BCAR3: variants seen among roughly 807,000 people sequenced by gnomAD.
BCAR3 encodes the protein BCAR3 adaptor protein, NSP family member.
A neutral mutation model predicts 80.1 loss-of-function variants in BCAR3; 37 were observed. The ratio of observed to expected loss-of-function variants is 0.46; its 90% confidence interval spans 0.36 to 0.61. The LOEUF is 0.61. Ranked by LOEUF, BCAR3 falls within the 20% of genes least tolerant of loss-of-function variation. The pLI, the probability that BCAR3 is intolerant of heterozygous loss-of-function variation, is 0.00. For missense variants in BCAR3, 978 were observed against 1,068.2 expected, an observed-to-expected ratio of 0.92 and a Z score of 1.18; for synonymous variants, 389 against 418.9, an observed-to-expected ratio of 0.93 and a Z score of 0.87.
chr1:93,717,727 A>G (rs541016938), intron 2 of BCAR3, among the ~76,000 whole-genome samples: 5 of 151,972 alleles, frequency 3.3e-5, no homozygotes, highest in African/African-American at 1.2e-4. Flanking sequence ...CTCAAAAAAA[A>G]AAAAAAAAAA....
chr1:93,831,730 C>A (rs1654573644), intron 2 of BCAR3, among the ~76,000 whole-genome samples: 1 of 152,052 alleles, frequency 6.6e-6, no homozygotes, highest in African/African-American at 2.4e-5. Context: ...TGAGCCAGGT[C>A]CCAATTCTTC....
At chr1:93,635,520 T>A (rs1323071026) in intron 3 of BCAR3, among the ~76,000 whole-genome samples, 1 of 152,200 alleles carries the variant, frequency 6.6e-6, no homozygotes, top group East Asian at 1.9e-4. Context: ...TCAGCATTTT[T>A]AATAACTGTA....
At chr1:93,845,502 A>ATATATATATCTATATCTTGTCAAG in intron 2 of BCAR3, 1 of 113,826 alleles carries the variant, frequency 8.8e-6, no homozygotes, top group Non-Finnish European at 1.8e-5. Context: ...ATATATATAT[A>ATATATATATCTATATCTTGTCAAG]AAACTTTGTT....
At chr1:93,741,118 A>C (rs1651159761) in intron 2 of BCAR3, among the ~76,000 whole-genome samples, 1 of 152,190 alleles carries the variant, frequency 6.6e-6, no homozygotes, top group Non-Finnish European at 1.5e-5. Context: ...TGGAGCCAGA[A>C]ATGTAATTTA....
chr1:93,713,051 CT>C (rs1230093169), intron 2 of BCAR3, among the ~76,000 whole-genome samples: 2 of 152,216 alleles, frequency 1.3e-5, no homozygotes. Flanking sequence ...TGAGAATGTT[CT>C]CTGCACTGTC....
At chr1:93,657,936 G>A (rs1028125139) in intron 2 of BCAR3, among the ~76,000 whole-genome samples, 2 of 151,040 alleles carry the variant, frequency 1.3e-5, no homozygotes, top group African/African-American at 4.9e-5. Context: ...ACAGCATGTC[G>A]CTTGTTACTG....
intron 2 of BCAR3, among the ~76,000 whole-genome samples, chr1:93,733,080 C>T (rs888156496): frequency 3.3e-5 from 5 of 152,170 alleles, no homozygotes; most frequent in Admixed American, 2.6e-4. Context: ...TCTACCAGAG[C>T]AGAATTTGGG....
chr1:93,562,474 A>G, intron 11 of BCAR3, 55 bp from the exon 12 acceptor site: 6 of 1,556,604 alleles, frequency 3.9e-6, no homozygotes, highest in Non-Finnish European at 4.4e-6. Context: ...GATGTGTTAA[A>G]AATAGACTGA....
chr1:93,802,913 C>T (rs1653534628), intron 2 of BCAR3, among the ~76,000 whole-genome samples: 2 of 152,182 alleles, frequency 1.3e-5, no homozygotes, highest in African/African-American at 2.4e-5. Flanking sequence ...CTCCCTCCTT[C>T]TCCTTTGTCT....
At chr1:93,788,574 A>G (rs1442759738) in intron 2 of BCAR3, among the ~76,000 whole-genome samples, 1 of 152,140 alleles carries the variant, frequency 6.6e-6, no homozygotes, top group East Asian at 1.9e-4. Flanking sequence ...TATGAAGCTT[A>G]GTTTTGCTGG....
chr1:93,767,922 G>C lies in BCAR3; in HGVS notation c.-62-61780C>G, dbSNP rs114994603. Among the ~76,000 whole-genome samples, 747 of 152,308 alleles carry C rather than the reference G, an allele frequency of 4.9e-3. 3 individuals are homozygous for C. The highest frequency in any genetic ancestry group is 0.017 in the African/African-American group (718 of 41,574). Reference sequence around the variant, plus strand: ...CAATTAGGCAGATCTTCTGAAACTAGATAGGGGTTACAAAAGCACATATTT... The same window carrying C: ...CAATTAGGCAGATCTTCTGAAACTACATAGGGGTTACAAAAGCACATATTT... On this transcript the variant is annotated intron_variant, in intron 2 of 13. Coordinates refer to the BCAR3 transcript ENST00000370244.
In BCAR3 at chr1:93,807,109, G is replaced by GA. The variant is rs201937621; in HGVS notation, c.-63+38457dup. On this transcript the variant is annotated intron_variant, in intron 2 of 13. Transcript: ENST00000370244. ...GACAAAGTGAGACCCTATCTCAAAA[G>GA]AAAAAAAAAATAGTAGAATTTTCTA... Among the ~76,000 whole-genome samples the GA allele has an allele frequency of 5.4e-3, 786 of 146,702 alleles. 34 individuals carry two copies. The East Asian group carries it at 0.11, about 20-fold the overall frequency.
chr1:93,662,819 T>G (rs1227610726), intron 2 of BCAR3, among the ~76,000 whole-genome samples: 1 of 152,234 alleles, frequency 6.6e-6, no homozygotes, highest in Admixed American at 6.5e-5. Context: ...AATCGTTGTC[T>G]TGATAATCCA....
At position 93,567,391 on chromosome 1, in the gene BCAR3, CAT is replaced by C. The variant is rs779739125; in HGVS notation, c.2185_2186del (p.Met729ValfsTer9). ...RQAVTFEGTD[M>X]WEKNDQSCEI... ...CACAGCTCTGGTCGTTTTTTTCCCACATGTCGGTTCCTTCAAAAGTCACAGCC... is the reference window on the plus strand; with the variant it reads ...CACAGCTCTGGTCGTTTTTTTCCCACGTCGGTTCCTTCAAAAGTCACAGCC... On this transcript the variant is annotated frameshift_variant, in exon 11 of 12. Transcript: ENST00000260502. LOFTEE classifies it high-confidence loss of function. The C allele has an allele frequency of 1.5e-5, 24 of 1,614,086 alleles. No homozygotes were observed. Among genetic ancestry groups the C allele is most frequent in the Admixed American group, 8.3e-5 (5 of 60,008 alleles).
At chr1:93,563,780 CCT>C (rs1338623635) in intron 11 of BCAR3, among the ~76,000 whole-genome samples, 2 of 152,162 alleles carry the variant, frequency 1.3e-5, no homozygotes, top group African/African-American at 4.8e-5. Flanking sequence ...ACAACCTCTA[CCT>C]CTCGGGTTCA....
intron 2 of BCAR3, among the ~76,000 whole-genome samples, chr1:93,797,390 TC>T (rs1653316079): frequency 6.6e-6 from 1 of 152,324 alleles, no homozygotes; most frequent in Admixed American, 6.5e-5. Context: ...ATGTCCCAAG[TC>T]CTGCCTCTAT....
chr1:93,651,855 T>C (rs1676335412), intron 2 of BCAR3, among the ~76,000 whole-genome samples: 1 of 152,170 alleles, frequency 6.6e-6, no homozygotes, highest in Admixed American at 6.5e-5. Flanking sequence ...ACATTTAGGA[T>C]GCCTCCCAAG....
intron 2 of BCAR3, among the ~76,000 whole-genome samples, chr1:93,812,835 CT>C (rs1269100402): frequency 9.9e-5 from 15 of 152,214 alleles, no homozygotes; most frequent in African/African-American, 3.4e-4. Context: ...CTCTACCCCC[CT>C]ATCCCAGGCC....
At chr1:93,742,307 G>A (rs1571088843) in intron 2 of BCAR3, among the ~76,000 whole-genome samples, 1 of 152,236 alleles carries the variant, frequency 6.6e-6, no homozygotes, top group East Asian at 1.9e-4. Context: ...AATTCAGCAA[G>A]CAGAGTTGCT....
Sources: gnomAD v4.1 joint callset for allele counts (sites outside exome capture counted in the v4.1 genomes callset) on GRCh38, gnomAD v4.1.1 for gene constraint, MANE v1.5 for transcripts, NCBI Gene and HGNC (gene_info 2026-07-23, HGNC 2026-07-21) for gene names.